NEDD4: variants seen among roughly 807,000 people sequenced by gnomAD.
The protein encoded by NEDD4 is E3 ubiquitin-protein ligase NEDD4.
NEDD4 carries 99 observed loss-of-function variants against 144.9 expected under a neutral mutation model. That is an observed-to-expected ratio of 0.68 (90% CI 0.58 to 0.81). NEDD4 has a LOEUF of 0.81. Among genes scored for constraint, NEDD4 ranks in the 30% least tolerant of loss-of-function variants. The probability of loss-of-function intolerance (pLI) is 0.00; values close to 1 mark genes in which losing one functional copy is unlikely to be tolerated. For missense variants in NEDD4, 985 were observed against 1,065.9 expected (o/e 0.92, Z 1.06); for synonymous variants, 318 against 350.6 (o/e 0.91, Z 1.04).
At chr15:55,912,860 C>T (rs2036318864) in intron 5 of NEDD4, among the ~76,000 whole-genome samples, 1 of 152,126 alleles carries the variant, frequency 6.6e-6, no homozygotes, top group African/African-American at 2.4e-5. Context: ...ATATGCCAGT[C>T]ACTGTTATGT....
At chr15:55,941,996 G>C (rs769957259) in intron 4 of NEDD4, among the ~76,000 whole-genome samples, 40 of 152,012 alleles carry the variant, frequency 2.6e-4, no homozygotes, top group Non-Finnish European at 5.3e-4. Flanking sequence ...ATTAGCTGTA[G>C]TGTACTATAC....
intron 2 of NEDD4, among the ~76,000 whole-genome samples, chr15:55,964,673 G>A (rs1181893393): frequency 7.1e-6 from 1 of 140,618 alleles, no homozygotes; most frequent in African/African-American, 2.6e-5. Context: ...GTGTGTGTGT[G>A]TGTGTGAATT....
intron 1 of NEDD4, among the ~76,000 whole-genome samples, chr15:55,989,177 A>C (rs2037949054): frequency 6.6e-6 from 1 of 152,178 alleles, no homozygotes; most frequent in South Asian, 2.1e-4. Context: ...CAGAGGGTGC[A>C]GTGAGCTGAG....
intron 8 of NEDD4, among the ~76,000 whole-genome samples, chr15:55,866,349 CTTCT>C (rs1392441312): frequency 4.0e-5 from 6 of 151,606 alleles, no homozygotes; most frequent in Middle Eastern, 3.4e-3. Flanking sequence ...GTTGATCTTC[CTTCT>C]TTCTTTCTTT....
intron 11 of NEDD4, 77 bp from the exon 12 acceptor site, chr15:55,856,273 G>T: frequency 7.9e-7 from 1 of 1,266,536 alleles, no homozygotes; most frequent in Non-Finnish European, 1.1e-6. Context: ...AGGTAGTGAG[G>T]GTAAATATGA....
chr15:55,869,705 C>A (rs1200333455), intron 7 of NEDD4, 24 bp from the exon 8 acceptor site: 1 of 1,397,736 alleles, frequency 7.2e-7, no homozygotes, highest in South Asian at 1.2e-5. Context: ...AATAAATATT[C>A]ATAAAACTTT....
chr15:55,873,840 A>C (rs2034894328), intron 6 of NEDD4, 118 bp downstream of exon 6: 3 of 454,856 alleles, frequency 6.6e-6, no homozygotes, highest in Non-Finnish European at 1.2e-5. Context: ...ATGCTCAATA[A>C]ATAAAAGTAG....
chr15:55,981,377 C>G (rs1038220711), intron 1 of NEDD4, among the ~76,000 whole-genome samples: 2 of 146,376 alleles, frequency 1.4e-5, no homozygotes, highest in African/African-American at 5.1e-5. Flanking sequence ...CTTTTTTTTT[C>G]TTTTGAGCAA....
chr15:55,933,793 G>T (rs1168104089), intron 4 of NEDD4, among the ~76,000 whole-genome samples: 3 of 152,052 alleles, frequency 2.0e-5, no homozygotes, highest in Non-Finnish European at 4.4e-5. Flanking sequence ...TATCATGATT[G>T]TAAGTTTTCT....
At position 55,831,172 on chromosome 15, in the gene NEDD4, A is replaced by G. The variant is rs564286640; in HGVS notation, c.2528-586T>C. ...TGACCTCAGGTGATCTGCCTGCCTC[A>G]GTCTCCCAAAATGTTGAGATTACAG... On this transcript the variant is annotated intron_variant, in intron 27 of 28. Transcript: ENST00000435532. Among the ~76,000 whole-genome samples the G allele has an allele frequency of 2.0e-5, 3 of 152,268 alleles. No homozygotes were observed. The East Asian group carries it at 5.8e-4, about 29-fold the overall frequency.
At chr15:55,958,126 AG>A (rs1468545982) in intron 2 of NEDD4, among the ~76,000 whole-genome samples, 1 of 148,930 alleles carries the variant, frequency 6.7e-6, no homozygotes, top group African/African-American at 2.5e-5. Flanking sequence ...AATAAAAAAA[AG>A]ATGACTGTCT....
chr15:55,891,773 T>G (rs2035578250), intron 5 of NEDD4, among the ~76,000 whole-genome samples: 1 of 152,208 alleles, frequency 6.6e-6, no homozygotes, highest in African/African-American at 2.4e-5. Context: ...AATTGCTGTT[T>G]TTGTAAAAAC....
intron 4 of NEDD4, among the ~76,000 whole-genome samples, chr15:55,925,548 T>C (rs2036646782): frequency 6.6e-6 from 1 of 152,188 alleles, no homozygotes; most frequent in South Asian, 2.1e-4. Flanking sequence ...TTACAAGCAA[T>C]ATTTTGTTTT....
intron 4 of NEDD4, among the ~76,000 whole-genome samples, chr15:55,935,021 A>G (rs1166660504): frequency 1.3e-5 from 2 of 151,700 alleles, no homozygotes; most frequent in Non-Finnish European, 2.9e-5. Flanking sequence ...GGCACCCACC[A>G]CCATGCCTGG....
intron 1 of NEDD4, among the ~76,000 whole-genome samples, chr15:55,967,060 T>C (rs2037525047): frequency 6.7e-6 from 1 of 150,014 alleles, no homozygotes; most frequent in Non-Finnish European, 1.5e-5. Context: ...ATAATTTTTC[T>C]ATTTTTAGTA....
At chr15:55,854,264 C>T (rs1244450904) in intron 12 of NEDD4, among the ~76,000 whole-genome samples, 2 of 152,246 alleles carry the variant, frequency 1.3e-5, no homozygotes, top group Non-Finnish European at 2.9e-5. Flanking sequence ...AAACCATCAC[C>T]ACCAGTCTCT....
At chr15:55,845,380 G>T (rs2033698369) in intron 18 of NEDD4, among the ~76,000 whole-genome samples, 1 of 152,052 alleles carries the variant, frequency 6.6e-6, no homozygotes, top group African/African-American at 2.4e-5. Flanking sequence ...TTCTCTCTGT[G>T]CCTCAGTTTC....
chr15:55,925,766 T>C (rs2036649860), intron 4 of NEDD4, among the ~76,000 whole-genome samples: 1 of 152,104 alleles, frequency 6.6e-6, no homozygotes, highest in Non-Finnish European at 1.5e-5. Context: ...TAATCCTAGT[T>C]TTACCTACAG....
chr15:55,988,476 AAAAAAAAAATT>A (rs1448436699), intron 1 of NEDD4, among the ~76,000 whole-genome samples: 4 of 101,400 alleles, frequency 3.9e-5, no homozygotes, highest in African/African-American at 1.4e-4. Context: ...GAGTATAATA[AAAAAAAAAATT>A]AAAAAAAAAA....
Sources: gnomAD v4.1 joint callset for allele counts (sites outside exome capture counted in the v4.1 genomes callset) on GRCh38, gnomAD v4.1.1 for gene constraint, MANE v1.5 for transcripts, NCBI Gene and HGNC (gene_info 2026-07-23, HGNC 2026-07-21) for gene names.